Variants in ZRANB3 observed in about 807,000 individuals in gnomAD.
ZRANB3 encodes DNA annealing helicase and endonuclease ZRANB3.
ZRANB3 carries 125 observed loss-of-function variants against 133.8 expected under a neutral mutation model. The ratio of observed to expected loss-of-function variants is 0.93; its 90% CI spans 0.81 to 1.08. The LOEUF is 1.08. ZRANB3 is among the 50% of genes least tolerant of loss of function. ZRANB3 has a pLI of 0.00. For synonymous variants in ZRANB3, 387 were observed against 432.7 expected, an observed-to-expected ratio of 0.89 and a Z score of 1.31; for missense variants, 1,229 against 1,275.5, an observed-to-expected ratio of 0.96 and a Z score of 0.56.
intron 2 of ZRANB3, among the ~76,000 whole-genome samples, chr2:135,413,611 T>C (rs902367234): frequency 6.6e-6 from 1 of 152,164 alleles, no homozygotes; most frequent in African/African-American, 2.4e-5. Context: ...ACTAGGAAAC[T>C]GAGTACAGAG....
intron 12 of ZRANB3, among the ~76,000 whole-genome samples, chr2:135,242,835 G>C (rs1695610460): frequency 6.6e-6 from 1 of 151,902 alleles, no homozygotes; most frequent in African/African-American, 2.4e-5. Flanking sequence ...AGCTCTAAGA[G>C]CTTGTTGTGT....
At chr2:135,232,354 A>G (rs1316246253) in intron 12 of ZRANB3, among the ~76,000 whole-genome samples, 9 of 152,208 alleles carry the variant, frequency 5.9e-5, no homozygotes, top group Admixed American at 5.9e-4. Flanking sequence ...TGTAGACTCC[A>G]TCCACCTCTG....
intron 2 of ZRANB3, among the ~76,000 whole-genome samples, chr2:135,411,704 A>T (rs1688310256): frequency 6.6e-6 from 1 of 152,196 alleles, no homozygotes; most frequent in Non-Finnish European, 1.5e-5. Context: ...GTTCTCACTT[A>T]TAAGTGGGAG....
At chr2:135,220,489 T>C (rs1694494475) in intron 15 of ZRANB3, among the ~76,000 whole-genome samples, 1 of 151,762 alleles carries the variant, frequency 6.6e-6, no homozygotes. Flanking sequence ...CACGAGGTCA[T>C]GAGTTCGAGA....
intron 2 of ZRANB3, among the ~76,000 whole-genome samples, chr2:135,478,955 T>A (rs761673717): frequency 1.3e-5 from 2 of 152,014 alleles, no homozygotes; most frequent in Non-Finnish European, 2.9e-5. Flanking sequence ...ATATATGTTA[T>A]ATATACTGAT....
chr2:135,263,896 C>T (rs1479087272), intron 12 of ZRANB3, among the ~76,000 whole-genome samples: 1 of 151,476 alleles, frequency 6.6e-6, no homozygotes, highest in East Asian at 2.0e-4. Context: ...CTGCCTCAGC[C>T]TCCCAAGTAG....
chr2:135,415,992 G>A (rs528452210), intron 2 of ZRANB3, among the ~76,000 whole-genome samples: 1,588 of 152,060 alleles, frequency 0.01, 25 homozygotes, highest in African/African-American at 0.036. Context: ...CAAACCCACA[G>A]CCAATATCAT....
At chr2:135,214,710 A>C (rs1234440687) in intron 17 of ZRANB3, among the ~76,000 whole-genome samples, 1 of 152,198 alleles carries the variant, frequency 6.6e-6, no homozygotes, top group African/African-American at 2.4e-5. Context: ...ATGTGTAAGT[A>C]TGTGTATATA....
chr2:135,400,109 G>A (rs933261750), intron 2 of ZRANB3, among the ~76,000 whole-genome samples: 4 of 151,974 alleles, frequency 2.6e-5, no homozygotes, highest in Admixed American at 1.3e-4. Flanking sequence ...GCGTGGAAGC[G>A]GGCTCCTATA....
At chr2:135,318,353 C>T (rs1223074927) in intron 6 of ZRANB3, among the ~76,000 whole-genome samples, 3 of 150,858 alleles carry the variant, frequency 2.0e-5, no homozygotes, top group Non-Finnish European at 4.4e-5. Context: ...TTCTCAATTC[C>T]TACATATATA....
At chr2:135,281,806 T>A (rs955532037) in intron 8 of ZRANB3, among the ~76,000 whole-genome samples, 12 of 152,220 alleles carry the variant, frequency 7.9e-5, no homozygotes, top group African/African-American at 2.7e-4. Context: ...CTAACAATGT[T>A]AGGACCTTTT....
At chr2:135,518,884 C>T (rs1025325973) in intron 1 of ZRANB3, among the ~76,000 whole-genome samples, 3 of 152,164 alleles carry the variant, frequency 2.0e-5, no homozygotes, top group African/African-American at 7.2e-5. Flanking sequence ...TTTGCTTAAT[C>T]TTGCTTCCTA....
At chr2:135,414,639 A>C (rs1688468406) in intron 2 of ZRANB3, among the ~76,000 whole-genome samples, 2 of 152,172 alleles carry the variant, frequency 1.3e-5, no homozygotes, top group African/African-American at 2.4e-5. Flanking sequence ...ATCCCAAATC[A>C]ACAGAATATA....
chr2:135,508,431 CT>C (rs1199822982), intron 1 of ZRANB3, among the ~76,000 whole-genome samples: 1 of 152,118 alleles, frequency 6.6e-6, no homozygotes, highest in Non-Finnish European at 1.5e-5. Context: ...GCCACCGCAC[CT>C]GGCCAAGGCA....
intron 14 of ZRANB3, among the ~76,000 whole-genome samples, chr2:135,226,589 T>C (rs1445219816): frequency 6.6e-6 from 1 of 152,206 alleles, no homozygotes. Flanking sequence ...AACTTCAAAG[T>C]GATTTTTAAA....
In ZRANB3 at chr2:135,227,946, G is replaced by A. The variant is rs1210040322; in HGVS notation, c.2024C>T (p.Ser675Phe). The A allele has an allele frequency of 6.4e-7, 1 of 1,552,940 alleles. No homozygotes were observed. The highest frequency in any genetic ancestry group is 1.2e-5 in the South Asian group (1 of 84,094). ...GTCTGAGATAGTTTGAACCTTTTTG[G>A]AGGTGTCTTTCTGAGAATCATCCTT... ...NEKDDSQKDT[S>F]KKVQTISDCE... The change falls in exon 14 of 21, where the codon TCC (serine) becomes TTC (phenylalanine). Residue 675 changes from serine to phenylalanine, a missense_variant. Ser to Phe is a radical substitution (Grantham distance 155). Transcript: ENST00000264159.
rs113073450 is a variant in ZRANB3 at position 135,232,842 on chromosome 2, G to A, written c.1540-1915C>T. ...AGGTAGATAAAATCACAAAGATGGG[G>A]AAAAAACAGAGCAGAAAAACTGGAA... On this transcript the variant is annotated intron_variant, in intron 12 of 20. Coordinates refer to ENST00000264159, the MANE Select transcript of ZRANB3 (RefSeq NM_032143.4). Among the ~76,000 whole-genome samples, 452 of 152,244 alleles carry A rather than the reference G, an allele frequency of 3.0e-3. 3 individuals are homozygous for A. The highest frequency in any genetic ancestry group is 0.01 in the African/African-American group (421 of 41,556).
At chr2:135,449,313 G>T (rs1690162000) in intron 2 of ZRANB3, among the ~76,000 whole-genome samples, 1 of 152,152 alleles carries the variant, frequency 6.6e-6, no homozygotes, top group Non-Finnish European at 1.5e-5. Context: ...AATAAAACAA[G>T]CAATGGTATT....
chr2:135,211,773 T>C (rs966969259), intron 17 of ZRANB3, among the ~76,000 whole-genome samples: 1 of 152,206 alleles, frequency 6.6e-6, no homozygotes, highest in African/African-American at 2.4e-5. Context: ...CAGTCTCTCA[T>C]AAATGGACAT....
Sources: gnomAD v4.1 joint callset for allele counts (sites outside exome capture counted in the v4.1 genomes callset) on GRCh38, gnomAD v4.1.1 for gene constraint, MANE v1.5 for transcripts, NCBI Gene and HGNC (gene_info 2026-07-23, HGNC 2026-07-21) for gene names.